Variants in ZNF480 observed in about 807,000 individuals in gnomAD.
The protein encoded by ZNF480 is zinc finger protein 480.
In ZNF480, 15 loss-of-function variants were observed where a neutral mutation model predicts 14.4. The ratio of observed to expected loss-of-function variants is 1.04; its 90% CI spans 0.70 to 1.60. ZNF480 has a LOEUF of 1.60. Among genes scored for constraint, ZNF480 ranks in the 40% most tolerant of loss-of-function variants. ZNF480 has a pLI of 0.00. For synonymous variants in ZNF480, 218 were observed against 215.5 expected, an observed-to-expected ratio of 1.01 and a Z score of -0.10; for missense variants, 593 against 629.7, an observed-to-expected ratio of 0.94 and a Z score of 0.62.
Position 52,322,386 on chromosome 19 carries a change from T to A in ZNF480, c.1136T>A (p.Val379Asp). 1 of 1,613,486 alleles carries A rather than the reference T, an allele frequency of 6.2e-7. No homozygotes were observed. Among genetic ancestry groups the A allele is most frequent in the Non-Finnish European group, 8.5e-7 (1 of 1,179,900 alleles). ...TACAAATGTAATGAATGTGGAAAGGTCTTTATTCAAAATTCGCACCTAGCA... is the reference window on the plus strand; with the variant it reads ...TACAAATGTAATGAATGTGGAAAGGACTTTATTCAAAATTCGCACCTAGCA... ...KPYKCNECGKVFIQNSHLAQH... is the reference protein window; with the variant it reads ...KPYKCNECGKDFIQNSHLAQH... Residue 379 changes from valine to aspartate, a missense_variant, in exon 5 of 5, where the codon GTC (valine) becomes GAC (aspartate). Physicochemically the swap from Val to Asp is radical, Grantham distance 152. Coordinates refer to ENST00000595962, the MANE Select transcript of ZNF480 (RefSeq NM_144684.4).
intron 1 of ZNF480, 91 bp from the exon 2 acceptor site, chr19:52,300,303 G>A (rs1035295038): frequency 2.6e-5 from 36 of 1,362,428 alleles, no homozygotes; most frequent in Non-Finnish European, 3.3e-5. Flanking sequence ...ACATCTTTCC[G>A]CAGGGTGAGG....
chr19:52,305,206 G>A (rs1465601973), intron 2 of ZNF480, among the ~76,000 whole-genome samples: 1 of 152,180 alleles, frequency 6.6e-6, no homozygotes, highest in Admixed American at 6.5e-5. Flanking sequence ...TACTTTAGGG[G>A]CTATGCCAAC....
intron 2 of ZNF480, chr19:52,301,972 A>G (rs1982713739): frequency 6.1e-6 from 1 of 164,586 alleles, no homozygotes; most frequent in Non-Finnish European, 1.3e-5. Flanking sequence ...CAAGTTTTAA[A>G]TCACTTACTC....
rs758086042 is a variant in ZNF480, at chr19:52,321,689, G to GT, written c.440dup (p.Ile148AsnfsTer5). The GT allele has an allele frequency of 6.2e-7, 1 of 1,614,056 alleles. No individual in the cohort carries two copies. Among genetic ancestry groups the GT allele is most frequent in the East Asian group, 2.2e-5 (1 of 44,864 alleles). ...ACTGGAGCTATTTCCAGATGAAAGG[G>GT]TAATAAATGGATGTAATCAAGTTGA... On this transcript the variant is annotated frameshift_variant, in exon 5 of 5. Coordinates refer to ENST00000595962, the MANE Select transcript of ZNF480 (RefSeq NM_144684.4). LOFTEE classifies it low-confidence loss of function (END_TRUNC).
intron 4 of ZNF480, among the ~76,000 whole-genome samples, chr19:52,319,456 T>C (rs957027774): frequency 5.9e-5 from 9 of 152,202 alleles, no homozygotes; most frequent in African/African-American, 2.2e-4. Context: ...CATAGTCTTA[T>C]ACCTTTTCCT....
intron 2 of ZNF480, among the ~76,000 whole-genome samples, chr19:52,305,450 C>T (rs1019390416): frequency 2.0e-5 from 3 of 152,196 alleles, no homozygotes; most frequent in African/African-American, 7.2e-5. Flanking sequence ...CAGGAGCTTC[C>T]AAATCCTCTT....
intron 1 of ZNF480, 87 bp from the exon 2 acceptor site, chr19:52,300,307 G>A (rs1049983805): frequency 7.1e-7 from 1 of 1,399,130 alleles, no homozygotes; most frequent in African/African-American, 1.4e-5. Flanking sequence ...CTTTCCGCAG[G>A]GTGAGGTCTA....
At chr19:52,310,312 C>T (rs8104312) in intron 2 of ZNF480, among the ~76,000 whole-genome samples, 84,808 of 152,008 alleles carry the variant, frequency 0.56, 24,208 homozygotes, top group Non-Finnish European at 0.62. Flanking sequence ...CTGCGTTGGC[C>T]TCCCAAAATG....
intron 4 of ZNF480, among the ~76,000 whole-genome samples, chr19:52,316,194 CTCTTTCTT>C (rs56388324): frequency 5.3e-4 from 76 of 142,802 alleles, no homozygotes; most frequent in African/African-American, 1.6e-3. Context: ...CTCTCTCTTT[CTCTTTCTT>C]TCTTTCTTTC....
intron 4 of ZNF480, among the ~76,000 whole-genome samples, chr19:52,316,736 C>T (rs1182471482): frequency 6.6e-6 from 1 of 152,142 alleles, no homozygotes; most frequent in African/African-American, 2.4e-5. Flanking sequence ...TGTCTCCCCT[C>T]CCGCTTTCTT....
intron 2 of ZNF480, among the ~76,000 whole-genome samples, chr19:52,308,362 A>G (rs560826801): frequency 6.2e-4 from 91 of 145,696 alleles, no homozygotes; most frequent in Middle Eastern, 3.6e-3. Context: ...GCCAGAGTAC[A>G]GTAGCGCAAT....
Position 52,300,490 on chromosome 19 carries a change from A to G in ZNF480, c.72+6A>G, listed in dbSNP as rs1317485759. 6.2e-7 allele frequency: 1 copy of G among 1,611,094 alleles called. No homozygotes were observed. The highest frequency in any genetic ancestry group is 8.5e-7 in the Non-Finnish European group (1 of 1,179,800). On this transcript the variant is annotated splice_donor_region_variant and intron_variant, in intron 2 of 4. Coordinates refer to ENST00000595962, the MANE Select transcript of ZNF480 (RefSeq NM_144684.4). ...CAGGGATGGCTCTTCCTCAGGTGAG[A>G]TGATATTCTCGGTGGATTGTTCTGT...
intron 3 of ZNF480, 94 bp from the exon 4 acceptor site, chr19:52,315,740 T>G: frequency 7.1e-7 from 1 of 1,415,100 alleles, no homozygotes; most frequent in Non-Finnish European, 9.6e-7. Context: ...AATATTATTC[T>G]TGATTCATTT....
intron 2 of ZNF480, among the ~76,000 whole-genome samples, chr19:52,309,125 T>C (rs956315405): frequency 1.3e-5 from 2 of 152,222 alleles, no homozygotes; most frequent in African/African-American, 4.8e-5. Context: ...TGTTTTATGA[T>C]ACTTTATTCT....
At chr19:52,317,120 C>T (rs1042229572) in intron 4 of ZNF480, among the ~76,000 whole-genome samples, 4 of 151,964 alleles carry the variant, frequency 2.6e-5, no homozygotes, top group Non-Finnish European at 5.9e-5. Context: ...TGGGTTCAAG[C>T]GATTCTCCTG....
At chr19:52,307,122 C>G (rs561419621) in intron 2 of ZNF480, among the ~76,000 whole-genome samples, 74 of 152,246 alleles carry the variant, frequency 4.9e-4, no homozygotes, top group Non-Finnish European at 7.9e-4. Context: ...ACTGACCAGA[C>G]AGTTATAGGA....
chr19:52,298,175 C>T (rs974823205), intron 1 of ZNF480, among the ~76,000 whole-genome samples: 1 of 151,696 alleles, frequency 6.6e-6, no homozygotes, highest in South Asian at 2.1e-4. Context: ...GACAGAGCAG[C>T]GTGGTGCTGG....
chr19:52,304,760 A>G (rs2122521350), intron 2 of ZNF480, among the ~76,000 whole-genome samples: 1 of 152,094 alleles, frequency 6.6e-6, no homozygotes, highest in South Asian at 2.1e-4. Context: ...TGTGCTCCCC[A>G]TTGCTGTAAT....
intron 2 of ZNF480, among the ~76,000 whole-genome samples, chr19:52,309,616 C>T (rs900540457): frequency 6.6e-6 from 1 of 152,172 alleles, no homozygotes; most frequent in African/African-American, 2.4e-5. Flanking sequence ...CAGGAGATAT[C>T]TGGAGTTTGT....
Sources: allele counts gnomAD v4.1 joint callset (sites outside exome capture counted in the v4.1 genomes callset), GRCh38; gene constraint gnomAD v4.1.1; transcripts MANE v1.5; gene names NCBI Gene and HGNC (gene_info 2026-07-23, HGNC 2026-07-21).